The following GPM6B variants were observed in gnomAD, a reference collection of about 807,000 sequenced individuals.
The protein encoded by GPM6B is glycoprotein M6B, also known as neuronal membrane glycoprotein M6-b.
A neutral mutation model predicts 27.2 loss-of-function variants in GPM6B; 4 were observed. The ratio of observed to expected loss-of-function variants is 0.15; its 90% CI spans 0.07 to 0.34. The LOEUF (loss-of-function observed/expected upper bound fraction) is 0.34, where lower values mean the gene tolerates loss of function less well. GPM6B is among the 10% of genes least tolerant of loss of function. The pLI is 1.00. For missense variants in GPM6B, 183 were observed against 261.9 expected (o/e 0.70, Z 2.08); for synonymous variants, 124 against 103.1 (o/e 1.20, Z -1.23).
intron 1 of GPM6B, 130 bp downstream of exon 1, chrX:13,816,714 C>G (rs1042318657): frequency 1.4e-5 from 11 of 795,078 alleles, no homozygotes; most frequent in Non-Finnish European, 1.7e-5. Context: ...AAAAATCAAC[C>G]CTGAAAGCAA....
At chrX:13,931,790 T>A (rs1440489443) in intron 1 of GPM6B, among the ~76,000 whole-genome samples, 2 of 112,108 alleles carry the variant, frequency 1.8e-5, no homozygotes, top group Non-Finnish European at 3.8e-5. Context: ...TATTTCCTAC[T>A]CTCTCCCATA....
chrX:13,829,039 C>G (rs2049408840), intron 1 of GPM6B, among the ~76,000 whole-genome samples: 1 of 111,476 alleles, frequency 9.0e-6, no homozygotes, highest in African/African-American at 3.3e-5. Flanking sequence ...CCCCAGGTGA[C>G]TAGGTGATCA....
chrX:13,917,737 CTTA>C (rs958903003), intron 1 of GPM6B, among the ~76,000 whole-genome samples: 3 of 112,281 alleles, frequency 2.7e-5, no homozygotes, highest in African/African-American at 9.7e-5. Context: ...ATGACAGTGT[CTTA>C]TTATGGCATT....
intron 2 of GPM6B, among the ~76,000 whole-genome samples, chrX:13,800,653 A>C: frequency 8.9e-6 from 1 of 112,093 alleles, no homozygotes; most frequent in Non-Finnish European, 1.9e-5. Flanking sequence ...TACAGGTTGA[A>C]CATATACATA....
intron 1 of GPM6B, among the ~76,000 whole-genome samples, chrX:13,875,992 TTTAAA>T (rs1255120562): frequency 3.6e-5 from 4 of 112,651 alleles, no homozygotes; most frequent in African/African-American, 1.3e-4. Flanking sequence ...AATTGTACAC[TTTAAA>T]ATGGTTACAA....
intron 1 of GPM6B, among the ~76,000 whole-genome samples, chrX:13,813,929 A>G (rs1272074132): frequency 1.8e-5 from 2 of 112,377 alleles, no homozygotes; most frequent in Admixed American, 1.9e-4. Context: ...ATCCCTAAAT[A>G]TCTACTAAAT....
At chrX:13,822,524 G>A (rs901029803) in intron 1 of GPM6B, among the ~76,000 whole-genome samples, 73 of 108,932 alleles carry the variant, frequency 6.7e-4, no homozygotes, top group East Asian at 2.3e-3. Context: ...GGGCCACCAC[G>A]CCCAGCTAAT....
chrX:13,855,288 C>A (rs1280783120), intron 1 of GPM6B, among the ~76,000 whole-genome samples: 3 of 112,271 alleles, frequency 2.7e-5, no homozygotes, highest in African/African-American at 9.7e-5. Context: ...CAAAGTGTTG[C>A]GATTATAGGC....
At chrX:13,835,137 A>G (rs1298224376) in intron 1 of GPM6B, among the ~76,000 whole-genome samples, 2 of 112,176 alleles carry the variant, frequency 1.8e-5, no homozygotes, top group East Asian at 5.5e-4. Context: ...GCATGAGTAC[A>G]TGAATGTTGG....
intron 1 of GPM6B, among the ~76,000 whole-genome samples, chrX:13,844,060 G>A (rs904468192): frequency 6.3e-5 from 7 of 111,910 alleles, no homozygotes; most frequent in South Asian, 3.7e-4. Context: ...ATGATCCATC[G>A]TGAGTTAATT....
intron 1 of GPM6B, among the ~76,000 whole-genome samples, chrX:13,894,679 C>T (rs1374225317): frequency 8.9e-6 from 1 of 112,456 alleles, no homozygotes; most frequent in Non-Finnish European, 1.9e-5. Flanking sequence ...ATTCATAAAA[C>T]CACATAAGAA....
At chrX:13,776,705 G>C (rs1406065747) in intron 6 of GPM6B, among the ~76,000 whole-genome samples, 1 of 112,109 alleles carries the variant, frequency 8.9e-6, no homozygotes, top group Admixed American at 9.4e-5. Context: ...AGCTTGCCAG[G>C]ATTTTCTTAA....
intron 1 of GPM6B, among the ~76,000 whole-genome samples, chrX:13,880,354 A>G (rs941042111): frequency 5.4e-5 from 6 of 110,933 alleles, no homozygotes; most frequent in Non-Finnish European, 1.1e-4. Context: ...CTCCCATTAA[A>G]TCTCCTGAAG....
chrX:13,914,688 A>C (rs1411524953), intron 1 of GPM6B, among the ~76,000 whole-genome samples: 1 of 112,435 alleles, frequency 8.9e-6, no homozygotes, highest in Non-Finnish European at 1.9e-5. Context: ...GTTCTATTAG[A>C]GCAAACAAAT....
At chrX:13,810,084 C>T (rs2049099843) in intron 1 of GPM6B, among the ~76,000 whole-genome samples, 1 of 109,937 alleles carries the variant, frequency 9.1e-6, no homozygotes, top group African/African-American at 3.3e-5. Context: ...TGCCACTGCA[C>T]TCCAGCCTGG....
chrX:13,895,928 G>A (rs959612388), intron 1 of GPM6B, among the ~76,000 whole-genome samples: 1 of 107,374 alleles, frequency 9.3e-6, no homozygotes, highest in Non-Finnish European at 1.9e-5. Context: ...AGGACCACTT[G>A]AGCCCAGGAG....
chrX:13,927,335 G>A (rs1485079920), intron 1 of GPM6B, among the ~76,000 whole-genome samples: 1 of 112,747 alleles, frequency 8.9e-6, no homozygotes, highest in Admixed American at 9.3e-5. Context: ...AACACCATAC[G>A]ATTTAAAGCT....
At chrX:13,846,492 TTTTA>T (rs1426062442) in intron 1 of GPM6B, among the ~76,000 whole-genome samples, 1 of 111,025 alleles carries the variant, frequency 9.0e-6, no homozygotes, top group Non-Finnish European at 1.9e-5. Flanking sequence ...TTTTTTTATT[TTTTA>T]TTTCATTTTT....
chrX:13,818,643 A>C (rs1216972915), upstream of GPM6B, among the ~76,000 whole-genome samples: 1 of 112,517 alleles, frequency 8.9e-6, no homozygotes, highest in Non-Finnish European at 1.9e-5. Context: ...GCCCCAGCCA[A>C]TTTTATTGTC....
Sources: allele counts gnomAD v4.1 joint callset (sites outside exome capture counted in the v4.1 genomes callset), GRCh38; gene constraint gnomAD v4.1.1; transcripts MANE v1.5; gene names NCBI Gene and HGNC (gene_info 2026-07-23, HGNC 2026-07-21).